Variants in ANKRD31 observed in about 807,000 individuals in gnomAD.
The protein encoded by ANKRD31 is ankyrin repeat domain 31.
ANKRD31 carries 147 observed loss-of-function variants against 186.0 expected under a neutral mutation model. The ratio of observed to expected loss-of-function variants is 0.79; its 90% CI spans 0.69 to 0.91. The LOEUF (loss-of-function observed/expected upper bound fraction) is 0.91. Ranked by LOEUF, ANKRD31 falls within the 40% of genes least tolerant of loss-of-function variation. The pLI, the probability that ANKRD31 is intolerant of heterozygous loss-of-function variation, is 0.00. For synonymous variants in ANKRD31, 673 were observed against 736.4 expected, an observed-to-expected ratio of 0.91 and a Z score of 1.39; for missense variants, 1,986 against 2,148.8, an observed-to-expected ratio of 0.92 and a Z score of 1.50.
At chr5:75,186,209 C>T (rs1412202847) in intron 10 of ANKRD31, among the ~76,000 whole-genome samples, 1 of 151,990 alleles carries the variant, frequency 6.6e-6, no homozygotes, top group Non-Finnish European at 1.5e-5. Flanking sequence ...GTTGGGAGAT[C>T]CCCAAAAAAA....
At chr5:75,107,669 A>T in intron 20 of ANKRD31, 52 bp from the exon 21 acceptor site, 1 of 1,150,006 alleles carries the variant, frequency 8.7e-7, no homozygotes, top group Non-Finnish European at 1.2e-6. Flanking sequence ...TGAATGTCAA[A>T]TTTGGTCATA....
chr5:75,232,867 T>C (rs1162076356), intron 1 of ANKRD31, among the ~76,000 whole-genome samples: 2 of 152,110 alleles, frequency 1.3e-5, no homozygotes, highest in Non-Finnish European at 2.9e-5. Context: ...ATGTAAAAGA[T>C]GCCCTCCCTG....
intron 24 of ANKRD31, among the ~76,000 whole-genome samples, chr5:75,083,976 T>C (rs1157182914): frequency 6.6e-6 from 1 of 152,184 alleles, no homozygotes; most frequent in Non-Finnish European, 1.5e-5. Context: ...TACAGACAGA[T>C]AGCAGACTGG....
At chr5:75,224,129 T>TA (rs1491506305) in intron 2 of ANKRD31, among the ~76,000 whole-genome samples, 1 of 105,752 alleles carries the variant, frequency 9.5e-6, no homozygotes, top group African/African-American at 4.0e-5. Flanking sequence ...TCAGAAATAA[T>TA]TATATATATA....
At position 75,162,965 on chromosome 5, in the gene ANKRD31, CT is replaced by C. The variant is rs1752671560; in HGVS notation, c.1707+6013del. ...TTTGGTTCTCCACCTACCTGTATGT[CT>C]TTTTTTAAGCTAAACATTTGTTTCT... On this transcript the variant is annotated intron_variant, in intron 11 of 25. Coordinates refer to ENST00000506364, the MANE Select transcript of ANKRD31 (RefSeq NM_001372053.1). Among the ~76,000 whole-genome samples the C allele has an allele frequency of 1.3e-5, 2 of 152,042 alleles. 1 individual carries two copies. Among genetic ancestry groups the C allele is most frequent in the South Asian group, 4.2e-4 (2 of 4,816 alleles).
Position 75,181,705 on chromosome 5 carries a change from A to G in ANKRD31, c.1564+6788T>C, listed in dbSNP as rs1326261188. Among the ~76,000 whole-genome samples the G allele has an allele frequency of 2.3e-5, 3 of 127,716 alleles. 1 individual carries two copies. The Admixed American group carries it at 2.8e-4, about 12-fold the overall frequency. The allele number at this position is 127,716 out of a possible 152,430, so 83.8% of individuals were successfully genotyped here. On this transcript the variant is annotated intron_variant, in intron 10 of 25. Coordinates refer to ENST00000506364, the MANE Select transcript of ANKRD31 (RefSeq NM_001372053.1). ...ACAATGAGAACACATGGACACAGGA[A>G]GGGGAACATCACACACTGGGGACTG...
chr5:75,069,985 C>A (rs987132340), intron 25 of ANKRD31, among the ~76,000 whole-genome samples: 3 of 152,154 alleles, frequency 2.0e-5, no homozygotes, highest in Non-Finnish European at 4.4e-5. Flanking sequence ...GGTGCTCTGT[C>A]ATGCTCTTTG....
chr5:75,095,127 T>G (rs887884853), intron 22 of ANKRD31, among the ~76,000 whole-genome samples: 1 of 152,188 alleles, frequency 6.6e-6, no homozygotes, highest in African/African-American at 2.4e-5. Context: ...GTAGTCCCCT[T>G]ATCTGTAATT....
chr5:75,157,429 A>G (rs1239041715), intron 11 of ANKRD31, among the ~76,000 whole-genome samples: 1 of 152,174 alleles, frequency 6.6e-6, no homozygotes, highest in Non-Finnish European at 1.5e-5. Flanking sequence ...GAAAAAGATA[A>G]ATTGAAGAAA....
At chr5:75,083,729 C>A (rs1745264919) in intron 24 of ANKRD31, among the ~76,000 whole-genome samples, 3 of 143,316 alleles carry the variant, frequency 2.1e-5, no homozygotes, top group Admixed American at 7.1e-5. Context: ...AAACTCTCGT[C>A]TCAAAAAAAA....
At chr5:75,177,533 T>A (rs1753906100) in intron 10 of ANKRD31, among the ~76,000 whole-genome samples, 1 of 152,064 alleles carries the variant, frequency 6.6e-6, no homozygotes, top group Admixed American at 6.6e-5. Flanking sequence ...ACAGTGGATC[T>A]CTTGGCAGAA....
intron 12 of ANKRD31, among the ~76,000 whole-genome samples, chr5:75,150,351 A>G (rs1474645304): frequency 1.3e-5 from 2 of 151,974 alleles, no homozygotes; most frequent in African/African-American, 4.8e-5. Flanking sequence ...CATACTTGAA[A>G]GTTCTTCATC....
At chr5:75,225,999 G>A (rs1158904191) in intron 2 of ANKRD31, among the ~76,000 whole-genome samples, 1 of 152,216 alleles carries the variant, frequency 6.6e-6, no homozygotes, top group Non-Finnish European at 1.5e-5. Flanking sequence ...AGGGCATTAA[G>A]TGAACACTGG....
At chr5:75,207,011 A>G (rs980721737) in intron 4 of ANKRD31, among the ~76,000 whole-genome samples, 3 of 152,194 alleles carry the variant, frequency 2.0e-5, no homozygotes, top group Admixed American at 1.3e-4. Context: ...CTAATCTGCA[A>G]TTTTCATCAT....
intron 17 of ANKRD31, among the ~76,000 whole-genome samples, chr5:75,132,549 C>T (rs1197976507): frequency 6.6e-6 from 1 of 152,132 alleles, no homozygotes; most frequent in Non-Finnish European, 1.5e-5. Flanking sequence ...GATCGGTGTA[C>T]CTGAAAGTGA....
At chr5:75,123,158 C>A (rs1748933727) in intron 17 of ANKRD31, among the ~76,000 whole-genome samples, 1 of 151,780 alleles carries the variant, frequency 6.6e-6, no homozygotes, top group African/African-American at 2.4e-5. Context: ...CAATAATAAT[C>A]CAGCTGAAAA....
chr5:75,224,000 C>T (rs1757458141), intron 2 of ANKRD31, among the ~76,000 whole-genome samples: 1 of 151,548 alleles, frequency 6.6e-6, no homozygotes, highest in Non-Finnish European at 1.5e-5. Context: ...TTCTCATCCT[C>T]CAGAACTGTG....
At chr5:75,200,074 G>A (rs1755714262) in intron 5 of ANKRD31, among the ~76,000 whole-genome samples, 2 of 152,040 alleles carry the variant, frequency 1.3e-5, no homozygotes, top group African/African-American at 2.4e-5. Flanking sequence ...CTGGAGTTAG[G>A]CATGAAAAGA....
At position 75,137,840 on chromosome 5, in the gene ANKRD31, G is replaced by A. The variant is rs1750714978; in HGVS notation, c.3876+16C>T. 2 of 1,444,738 alleles carry A rather than the reference G, an allele frequency of 1.4e-6. No individual in the cohort carries two copies. The highest frequency in any genetic ancestry group is 9.1e-7 in the Non-Finnish European group (1 of 1,103,162). 89.5% of individuals were successfully genotyped at this position (1,444,738 alleles called of 1,614,324 possible). A position where few individuals can be genotyped will look rare whatever the true frequency, so the allele number is the denominator to read the frequency against. ...TAAGAAAAAGTAGTAAGATCTTAATGTGATGTGCACTGTACCTTTAAATGA... is the reference window on the plus strand; with the variant it reads ...TAAGAAAAAGTAGTAAGATCTTAATATGATGTGCACTGTACCTTTAAATGA... On this transcript the variant is annotated intron_variant, in intron 17 of 25. Transcript: ENST00000506364.
Sources: allele counts gnomAD v4.1 joint callset (sites outside exome capture counted in the v4.1 genomes callset), GRCh38; gene constraint gnomAD v4.1.1; transcripts MANE v1.5; gene names NCBI Gene and HGNC (gene_info 2026-07-23, HGNC 2026-07-21).